The following CD28 variants were observed in gnomAD, a reference collection of about 807,000 sequenced individuals.
CD28 encodes T-cell-specific surface glycoprotein CD28.
In CD28, 8 loss-of-function variants were observed where a neutral mutation model predicts 21.4. The ratio of observed to expected loss-of-function variants is 0.37; its 90% CI spans 0.22 to 0.68. The LOEUF (loss-of-function observed/expected upper bound fraction) is 0.68, where lower values mean the gene tolerates loss of function less well. Ranked by LOEUF, CD28 falls within the 30% of genes least tolerant of loss-of-function variation. CD28 has a pLI of 0.55. For missense variants in CD28, 239 were observed against 272.2 expected (o/e 0.88, Z 0.86); for synonymous variants, 106 against 104.0 (o/e 1.02, Z -0.12).
At chr2:203,729,568 T>A (rs1693834791) in intron 2 of CD28, 80 bp from the exon 3 acceptor site, 1 of 1,389,080 alleles carries the variant, frequency 7.2e-7, no homozygotes, top group South Asian at 1.2e-5. Context: ...CTTTCACATT[T>A]TTCTCTGATG....
At chr2:203,723,525 C>T in intron 1 of CD28, among the ~76,000 whole-genome samples, 1 of 151,624 alleles carries the variant, frequency 6.6e-6, no homozygotes, top group Non-Finnish European at 1.5e-5. Flanking sequence ...ATACAGAACT[C>T]CAATAATTCA....
intron 1 of CD28, among the ~76,000 whole-genome samples, chr2:203,721,747 T>C (rs1200698164): frequency 2.0e-5 from 3 of 152,178 alleles, no homozygotes; most frequent in African/African-American, 7.2e-5. Context: ...ATGTTTAAAG[T>C]AGGGTCTATT....
At chr2:203,716,894 A>C (rs1194239816) in intron 1 of CD28, among the ~76,000 whole-genome samples, 1 of 152,120 alleles carries the variant, frequency 6.6e-6, no homozygotes, top group Non-Finnish European at 1.5e-5. Flanking sequence ...GCAGTGGTAC[A>C]ATCACCACTC....
intron 1 of CD28, among the ~76,000 whole-genome samples, chr2:203,709,364 G>A (rs146647397): frequency 6.6e-6 from 1 of 152,120 alleles, no homozygotes; most frequent in African/African-American, 2.4e-5. Context: ...TAATGTGTGT[G>A]TATGTATGTA....
At chr2:203,727,991 T>C (rs1559555926) in intron 2 of CD28, among the ~76,000 whole-genome samples, 1 of 152,194 alleles carries the variant, frequency 6.6e-6, no homozygotes, top group East Asian at 1.9e-4. Flanking sequence ...TTTGTACTTT[T>C]AGTAGAGACG....
At chr2:203,729,928 A>G (rs1280357216) in intron 3 of CD28, among the ~76,000 whole-genome samples, 156 bp downstream of exon 3, 1 of 152,040 alleles carries the variant, frequency 6.6e-6, no homozygotes, top group Non-Finnish European at 1.5e-5. Flanking sequence ...AGCTTGTTCA[A>G]CTCTATCTGA....
At chr2:203,706,555 G>GC, upstream of CD28, 1 of 1,570,210 alleles carries the variant, frequency 6.4e-7, no homozygotes, top group Non-Finnish European at 8.6e-7. Flanking sequence ...TTGATCATGT[G>GC]CCCTAAGGGG....
At chr2:203,723,192 C>A (rs1693650349) in intron 1 of CD28, among the ~76,000 whole-genome samples, 1 of 152,134 alleles carries the variant, frequency 6.6e-6, no homozygotes, top group Non-Finnish European at 1.5e-5. Context: ...GAAAGACAAT[C>A]CACAGAATGA....
At chr2:203,710,353 C>T (rs1013309486) in intron 1 of CD28, among the ~76,000 whole-genome samples, 2 of 152,210 alleles carry the variant, frequency 1.3e-5, no homozygotes, top group African/African-American at 2.4e-5. Context: ...AGGACGTTTA[C>T]AGCAAGGACT....
chr2:203,727,207 G>A (rs1294985403), intron 2 of CD28, among the ~76,000 whole-genome samples: 2 of 152,124 alleles, frequency 1.3e-5, no homozygotes, highest in African/African-American at 2.4e-5. Flanking sequence ...ACATTGAGCG[G>A]GAGAGTAAGT....
chr2:203,709,173 C>T (rs1007041921), intron 1 of CD28, among the ~76,000 whole-genome samples: 3 of 151,958 alleles, frequency 2.0e-5, no homozygotes, highest in Non-Finnish European at 2.9e-5. Context: ...TGTGCTTTGC[C>T]TTTCTCTGTA....
intron 1 of CD28, among the ~76,000 whole-genome samples, chr2:203,717,808 T>G (rs1381491770): frequency 6.6e-6 from 1 of 152,208 alleles, no homozygotes; most frequent in African/African-American, 2.4e-5. Context: ...TGTATATGCA[T>G]GTTTATCAAG....
Position 203,726,799 on chromosome 2 carries a change from C to A in CD28, c.219C>A (p.Ser73=), listed in dbSNP as rs202236189. The part of the protein sequence containing the change: ...VEVCVVYGNY[S]QQLQVYSKTG... ...TCTGTGTTGTATATGGGAATTACTC[C>A]CAGCAGCTTCAGGTTTACTCAAAAA... Residue 73 remains serine, a synonymous_variant, in exon 2 of 4, where the codon TCC becomes TCA. Transcript: ENST00000324106. 1.9e-6 allele frequency: 3 copies of A among 1,614,134 alleles called. No homozygotes were observed. In the African/African-American group the frequency reaches 4.0e-5, roughly 22 times the overall value.
intron 3 of CD28, among the ~76,000 whole-genome samples, chr2:203,730,874 A>G (rs12693993): frequency 0.62 from 94,348 of 152,062 alleles, 29,867 homozygotes; most frequent in East Asian, 0.86. Context: ...GCCATATCAT[A>G]TGAAGTCATT....
intron 1 of CD28, among the ~76,000 whole-genome samples, chr2:203,712,534 A>T (rs1283876323): frequency 6.6e-6 from 1 of 152,186 alleles, no homozygotes; most frequent in Non-Finnish European, 1.5e-5. Context: ...ATTACTGTGT[A>T]TTGACACATT....
At chr2:203,713,888 AGT>A (rs140297564) in intron 1 of CD28, among the ~76,000 whole-genome samples, 15 of 145,134 alleles carry the variant, frequency 1.0e-4, no homozygotes, top group South Asian at 2.2e-4. Flanking sequence ...AGAGAGAGAG[AGT>A]GTGTGTGTGT....
intron 1 of CD28, among the ~76,000 whole-genome samples, chr2:203,707,161 G>T (rs1376739721): frequency 6.6e-6 from 1 of 151,874 alleles, no homozygotes; most frequent in Non-Finnish European, 1.5e-5. Context: ...TTTAATTTAT[G>T]TATCGTTTCT....
chr2:203,718,810 G>A (rs1693532441), intron 1 of CD28, among the ~76,000 whole-genome samples: 1 of 152,236 alleles, frequency 6.6e-6, no homozygotes, highest in African/African-American at 2.4e-5. Flanking sequence ...GATTTTCCTA[G>A]TGAAGTTCAG....
In CD28 at chr2:203,726,925, A is replaced by T; in HGVS notation, c.345A>T (p.Glu115Asp). The T allele has an allele frequency of 6.2e-7, 1 of 1,613,534 alleles. No individual in the cohort carries two copies. Among genetic ancestry groups the T allele is most frequent in the Non-Finnish European group, 8.5e-7 (1 of 1,179,426 alleles). Residue 115 changes from glutamate to aspartate, a missense_variant, in exon 2 of 4, where the codon GAA becomes GAT. Physicochemically the swap from Glu to Asp is conservative, Grantham distance 45. Around this residue, in one of 3 missense-constraint regions of CD28, gnomAD observed 23 missense variants for 50.9 expected, o/e 0.45. Coordinates refer to ENST00000324106, the MANE Select transcript of CD28 (RefSeq NM_006139.4). ...CAGATATTTACTTCTGCAAAATTGA[A>T]GTTATGTATCCTCCTCCTTACCTAG... ...NQTDIYFCKI[E>D]VMYPPPYLDN...
Sources: gnomAD v4.1 joint callset for allele counts (sites outside exome capture counted in the v4.1 genomes callset) on GRCh38, gnomAD v4.1.1 for gene constraint, gnomAD v4.1.1 regional missense constraint, MANE v1.5 for transcripts, NCBI Gene and HGNC (gene_info 2026-07-23, HGNC 2026-07-21) for gene names.